The following ASAP3 variants were observed in gnomAD, a reference collection of about 807,000 sequenced individuals.
ASAP3 encodes the protein arf-GAP with SH3 domain, ANK repeat and PH domain-containing protein 3.
ASAP3 carries 85 observed loss-of-function variants against 118.2 expected under a neutral mutation model. The observed-to-expected ratio is 0.72, with a 90% CI of 0.60 to 0.86. ASAP3 has a LOEUF of 0.86. ASAP3 is among the 40% of genes least tolerant of loss of function. The probability of loss-of-function intolerance (pLI) is 0.00; values close to 1 mark genes in which losing one functional copy is unlikely to be tolerated. For synonymous variants in ASAP3, 432 were observed against 477.4 expected (o/e 0.90, Z 1.24); for missense variants, 1,026 against 1,175.0 (o/e 0.87, Z 1.85).
chr1:23,433,040 T>A, intron 22 of ASAP3, 37 bp downstream of exon 22: 1 of 1,611,150 alleles, frequency 6.2e-7, no homozygotes, highest in South Asian at 1.1e-5. Context: ...CCTCTGTGAA[T>A]GGCATGGTGA....
intron 1 of ASAP3, among the ~76,000 whole-genome samples, chr1:23,470,658 G>A (rs1021645822): frequency 2.6e-5 from 4 of 152,226 alleles, no homozygotes; most frequent in African/African-American, 9.6e-5. Flanking sequence ...CTGGCCTCTT[G>A]CTGTTTTCCT....
At position 23,484,049 on chromosome 1, in the gene ASAP3, C is replaced by A; in HGVS notation, c.85G>T (p.Ala29Ser). 1 of 1,345,288 alleles carries A rather than the reference C, an allele frequency of 7.4e-7. No individual in the cohort carries two copies. Among genetic ancestry groups the A allele is most frequent in the Non-Finnish European group, 9.5e-7 (1 of 1,049,428 alleles). 83.3% of individuals were successfully genotyped at this position (1,345,288 alleles called of 1,614,324 possible). ...GCCCCTCGGTACCGGGGCATCTTGG[C>A]GGCGAAGGCGGCGGCCCCAGCCGGG... ...SSPAGAAAFA[A>S]KMPRYRGAAL... is the part of the protein sequence containing the mutation. The change falls in exon 1 of 25, where the codon GCC becomes TCC. Residue 29 changes from alanine to serine, a missense_variant. By Grantham distance (99) the Ala-to-Ser change is moderately conservative (BLOSUM62 1). Transcript: ENST00000336689.
Position 23,429,927 on chromosome 1 carries a change from C to T in ASAP3, c.2641G>A (p.Gly881Ser). 3.1e-6 allele frequency: 5 copies of T among 1,613,684 alleles called. No individual in the cohort carries two copies. Among genetic ancestry groups the T allele is most frequent in the Non-Finnish European group, 4.2e-6 (5 of 1,179,784 alleles). Residue 881 changes from glycine to serine, a missense_variant, in exon 25 of 25, where the codon GGC (glycine) becomes AGC (serine). Coordinates refer to ENST00000336689, the MANE Select transcript of ASAP3 (RefSeq NM_017707.4). ...CTTGAGCCATCTCCTTCAGTGATGCCAACCTGCAGAAAGAAGGATGAAACT... is the reference window on the plus strand; with the variant it reads ...CTTGAGCCATCTCCTTCAGTGATGCTAACCTGCAGAAAGAAGGATGAAACT... ...QPLPRRNVPV[G>S]ITEGDGSRTG...
chr1:23,457,994 C>T (rs1347506186), intron 1 of ASAP3, among the ~76,000 whole-genome samples: 1 of 152,222 alleles, frequency 6.6e-6, no homozygotes, highest in Non-Finnish European at 1.5e-5. Flanking sequence ...TTATCATCAG[C>T]TGCTGCTGAT....
chr1:23,442,005 C>T (rs552956395), intron 7 of ASAP3, among the ~76,000 whole-genome samples, 181 bp downstream of exon 7: 1 of 152,164 alleles, frequency 6.6e-6, no homozygotes, highest in Admixed American at 6.5e-5. Context: ...GGGAATTGAG[C>T]GAATTGATGT....
intron 1 of ASAP3, among the ~76,000 whole-genome samples, chr1:23,459,772 G>C (rs1641509208): frequency 6.6e-6 from 1 of 152,186 alleles, no homozygotes; most frequent in African/African-American, 2.4e-5. Context: ...GAAATTCCAT[G>C]AAATACCCCT....
In ASAP3 at chr1:23,441,469, T is replaced by G; in HGVS notation, c.752A>C (p.His251Pro). The G allele has an allele frequency of 6.2e-7, 1 of 1,614,072 alleles. No individual in the cohort carries two copies. The highest frequency in any genetic ancestry group is 8.5e-7 in the Non-Finnish European group (1 of 1,180,006). Residue 251 changes from histidine (H) to proline (P), a missense_variant, in exon 9 of 25, where the codon CAT (histidine) becomes CCT (proline). Coordinates refer to ENST00000336689, the MANE Select transcript of ASAP3 (RefSeq NM_017707.4). Reference protein sequence around the residue: ...EKLAASVHALHQAQEDELQKL... With the variant: ...EKLAASVHALPQAQEDELQKL... ...CTGTAGCTCGTCCTCCTGGGCCTGA[T>G]GGAGCTATGGGACAGAGGATGGGAT... is the stretch of plus-strand genomic sequence containing the variant.
chr1:23,452,611 C>A lies in ASAP3; in HGVS notation c.423+86G>T, dbSNP rs1295510775. On this transcript the variant is annotated intron_variant, in intron 4 of 24. Transcript: ENST00000336689. ...AGACAGCCCCTTCACCTGGCCTCCA[C>A]CCTCAGTCCAGCCCTGCCCCCCAAC... The A allele has an allele frequency of 1.3e-5, 19 of 1,436,702 alleles. No individual in the cohort carries two copies. The East Asian group carries it at 4.1e-4, about 31-fold the overall frequency. The allele number at this position is 1,436,702 out of a possible 1,614,324, so 89.0% of individuals were successfully genotyped here. A position where few individuals can be genotyped will look rare whatever the true frequency, so the allele number is the denominator to read the frequency against.
chr1:23,460,380 C>A (rs756632154), intron 1 of ASAP3, among the ~76,000 whole-genome samples: 1 of 151,720 alleles, frequency 6.6e-6, no homozygotes, highest in Non-Finnish European at 1.5e-5. Flanking sequence ...GGTGGCACAC[C>A]GCTGTAGTCC....
At position 23,433,072 on chromosome 1, in the gene ASAP3, T is replaced by G. The variant is rs1161257030; in HGVS notation, c.2323+5A>C. 1.2e-6 allele frequency: 2 copies of G among 1,613,238 alleles called. No individual in the cohort carries two copies. The highest frequency in any genetic ancestry group is 3.3e-5 in the Admixed American group (2 of 59,702). On this transcript the variant is annotated splice_donor_5th_base_variant and intron_variant, in intron 22 of 24. Transcript: ENST00000336689. The stretch of plus-strand genomic sequence containing the variant: ...GTGAGCATTTATCTGGGCATCCAAC[T>G]GTACCTCCACTGGCATGTCTTGCAC...
In ASAP3 at chr1:23,436,108, C is replaced by T. The variant is rs1640644542; in HGVS notation, c.1572-80G>A. 2 of 1,478,082 alleles carry T rather than the reference C, an allele frequency of 1.4e-6. No individual in the cohort carries two copies. The highest frequency in any genetic ancestry group is 2.3e-5 in the East Asian group (1 of 44,008). The allele number at this position is 1,478,082 out of a possible 1,614,324, so 91.6% of individuals were successfully genotyped here. A position where few individuals can be genotyped will look rare whatever the true frequency, so the allele number is the denominator to read the frequency against. ...CCCTGGGGCCCTCCCACAGGAGATA[C>T]AGCTCTCTTTTTCTCCAGAACCATG... is the stretch of plus-strand genomic sequence containing the variant. On this transcript the variant is annotated intron_variant, in intron 16 of 24. Coordinates refer to ENST00000336689, the MANE Select transcript of ASAP3 (RefSeq NM_017707.4). This position sits in a 1 kb window ranked among gnomAD's most constrained non-coding sequence, Gnocchi z 4.2.
chr1:23,441,251 A>G lies in ASAP3; in HGVS notation c.835-40T>C, dbSNP rs1243060525. The G allele has an allele frequency of 2.5e-6, 4 of 1,610,902 alleles. No individual in the cohort carries two copies. In the South Asian group the frequency reaches 4.4e-5, roughly 18 times the overall value. ...TGCAAAGGAGACCTCAGGGCATCTC[A>G]GTGGGAAGAGCCCCATTCTGCGGGG... is the stretch of plus-strand genomic sequence containing the variant. On this transcript the variant is annotated intron_variant, in intron 9 of 24. Transcript: ENST00000336689.
chr1:23,465,522 G>C (rs957533170), intron 1 of ASAP3, among the ~76,000 whole-genome samples: 4 of 151,634 alleles, frequency 2.6e-5, no homozygotes, highest in African/African-American at 9.7e-5. Flanking sequence ...TTTTGGGGGG[G>C]GGATAGACTC....
chr1:23,484,552 T>C, upstream of ASAP3: 1 of 152,336 alleles, frequency 6.6e-6, no homozygotes, highest in Non-Finnish European at 1.4e-5. Context: ...CCGCTCTGGG[T>C]CTTCCAAATC....
At chr1:23,478,246 C>T (rs530453467) in intron 1 of ASAP3, among the ~76,000 whole-genome samples, 1 of 152,304 alleles carries the variant, frequency 6.6e-6, no homozygotes, top group South Asian at 2.1e-4. Context: ...GGGTGGATCA[C>T]CTGAGGTCAG....
intron 1 of ASAP3, among the ~76,000 whole-genome samples, chr1:23,476,271 G>A (rs773422151): frequency 3.3e-5 from 5 of 151,318 alleles, no homozygotes; most frequent in East Asian, 2.0e-4. Flanking sequence ...GCTTGAACCC[G>A]GGAGGTGGAG....
chr1:23,451,663 G>T, intron 4 of ASAP3, 135 bp from the exon 5 acceptor site: 1 of 939,676 alleles, frequency 1.1e-6, no homozygotes, highest in Non-Finnish European at 1.7e-6. Flanking sequence ...ACCAGCCCCT[G>T]CCCCCACAGT....
chr1:23,447,705 T>G (rs1265635466), intron 5 of ASAP3, among the ~76,000 whole-genome samples: 1 of 152,208 alleles, frequency 6.6e-6, no homozygotes, highest in Non-Finnish European at 1.5e-5. Context: ...TTTAGATAAT[T>G]TTTTTCAGCA....
At chr1:23,441,605 T>G in intron 8 of ASAP3, 50 bp downstream of exon 8, 1 of 1,610,544 alleles carries the variant, frequency 6.2e-7, no homozygotes, top group Non-Finnish European at 8.5e-7. Flanking sequence ...CAGATTTTCC[T>G]GGAAGGACAG....
Sources: gnomAD v4.1 joint callset for allele counts (sites outside exome capture counted in the v4.1 genomes callset) on GRCh38, gnomAD v4.1.1 for gene constraint, Gnocchi (gnomAD v3.1) non-coding constraint, MANE v1.5 for transcripts, NCBI Gene and HGNC (gene_info 2026-07-23, HGNC 2026-07-21) for gene names.